The following TENM2 variants were observed in gnomAD, a reference collection of about 807,000 sequenced individuals.
TENM2 encodes teneurin transmembrane protein 2, also known as teneurin-2.
Under a neutral mutation model 245.2 loss-of-function variants are expected in TENM2, and 52 were observed. The ratio of observed to expected loss-of-function variants is 0.21; its 90% CI spans 0.17 to 0.27. The LOEUF is 0.27. TENM2 is among the 10% of genes least tolerant of loss of function. The probability of loss-of-function intolerance (pLI) is 1.00; values close to 1 mark genes in which losing one functional copy is unlikely to be tolerated. For missense variants in TENM2, 3,046 were observed against 3,666.8 expected (o/e 0.83, Z 4.37); for synonymous variants, 1,363 against 1,438.9 (o/e 0.95, Z 1.19).
At chr5:167,185,542 T>C in the TENM2 span, among the ~76,000 whole-genome samples, 3 of 152,140 alleles carry the variant, frequency 2.0e-5, no homozygotes, top group Non-Finnish European at 1.5e-5. Flanking sequence ...TATTTGAGAA[T>C]ATAACATATT....
At chr5:167,508,946 G>C (rs1734743621) in intron 2 of TENM2, among the ~76,000 whole-genome samples, 1 of 152,104 alleles carries the variant, frequency 6.6e-6, no homozygotes, top group Non-Finnish European at 1.5e-5. Context: ...AGCCTCCCAA[G>C]TAGCTGGGAT....
At chr5:167,545,591 A>G (rs958024004) in intron 2 of TENM2, among the ~76,000 whole-genome samples, 3 of 152,204 alleles carry the variant, frequency 2.0e-5, no homozygotes, top group Admixed American at 6.5e-5. Flanking sequence ...ATAGTGCATT[A>G]TACATCAAAT....
At chr5:167,121,130 GTGTTTT>G in the TENM2 span, among the ~76,000 whole-genome samples, 1 of 152,064 alleles carries the variant, frequency 6.6e-6, no homozygotes, top group Non-Finnish European at 1.5e-5. Flanking sequence ...CTTTGTGTGT[GTGTTTT>G]TGTTTTTAGT....
chr5:168,142,048 A>G (rs1235869197), intron 12 of TENM2, among the ~76,000 whole-genome samples: 1 of 152,238 alleles, frequency 6.6e-6, no homozygotes, highest in East Asian at 1.9e-4. Flanking sequence ...TAAAACCGAA[A>G]GAGTTCAGGT....
At chr5:167,036,132 G>A in the TENM2 span, among the ~76,000 whole-genome samples, 1 of 152,194 alleles carries the variant, frequency 6.6e-6, no homozygotes, top group African/African-American at 2.4e-5. Flanking sequence ...TTTTGGGTAT[G>A]ATCATTCAGA....
At chr5:167,438,239 C>G (rs577517403) in intron 2 of TENM2, among the ~76,000 whole-genome samples, 47 of 152,320 alleles carry the variant, frequency 3.1e-4, no homozygotes, top group African/African-American at 1.0e-3. Context: ...AAGTGTTCCT[C>G]TGATGTGCCT....
chr5:168,225,761 CA>C (rs567948197), intron 23 of TENM2, among the ~76,000 whole-genome samples: 4,335 of 57,080 alleles, frequency 0.076, 140 homozygotes, highest in African/African-American at 0.2. Context: ...TCCATCATCT[CA>C]AAAAAAAAAA....
intron 7 of TENM2, among the ~76,000 whole-genome samples, chr5:168,077,472 C>G (rs1791581580): frequency 6.6e-6 from 1 of 151,648 alleles, no homozygotes; most frequent in African/African-American, 2.4e-5. Context: ...TACATGTGCA[C>G]AAAGTGCAGG....
chr5:168,149,432 T>G (rs1199686313), intron 12 of TENM2: 1 of 457,116 alleles, frequency 2.2e-6, no homozygotes, highest in Non-Finnish European at 4.4e-6. Context: ...GGGTAGTTGG[T>G]GGGGAGTGCT....
intron 1 of TENM2, among the ~76,000 whole-genome samples, chr5:167,297,922 A>C (rs1755050210): frequency 1.3e-5 from 2 of 152,168 alleles, no homozygotes; most frequent in African/African-American, 4.8e-5. Flanking sequence ...AGGCAGGAAC[A>C]GGCCATTTTC....
chr5:167,129,757 G>A, the TENM2 span, among the ~76,000 whole-genome samples: 1 of 152,172 alleles, frequency 6.6e-6, no homozygotes, highest in Non-Finnish European at 1.5e-5. Flanking sequence ...AATGCTTAAT[G>A]GACTCTGGCT....
chr5:167,595,243 G>C (rs1776123700), intron 2 of TENM2, among the ~76,000 whole-genome samples: 1 of 152,134 alleles, frequency 6.6e-6, no homozygotes, highest in Admixed American at 6.5e-5. Flanking sequence ...CAGTAAAATG[G>C]AATCAAAAGA....
chr5:167,931,549 TGGAA>T (rs1389204888), intron 3 of TENM2, among the ~76,000 whole-genome samples: 3 of 90,888 alleles, frequency 3.3e-5, no homozygotes, highest in African/African-American at 1.1e-4. Context: ...ATAAACCCAT[TGGAA>T]AAAAAAAAAA....
chr5:167,325,597 A>C (rs1757030986), intron 1 of TENM2, among the ~76,000 whole-genome samples: 1 of 152,250 alleles, frequency 6.6e-6, no homozygotes, highest in Admixed American at 6.5e-5. Context: ...CAAGACTTCC[A>C]GGTTAGAATT....
At chr5:167,361,830 G>A (rs1759737852) in intron 1 of TENM2, among the ~76,000 whole-genome samples, 1 of 152,070 alleles carries the variant, frequency 6.6e-6, no homozygotes, top group South Asian at 2.1e-4. Flanking sequence ...AAGGTCCTTT[G>A]GTTTATAGCT....
At chr5:167,255,615 T>C in the TENM2 span, among the ~76,000 whole-genome samples, 1 of 152,182 alleles carries the variant, frequency 6.6e-6, no homozygotes, top group African/African-American at 2.4e-5. Context: ...AAAACGTAGA[T>C]TTCGATTTTT....
At chr5:167,421,414 C>G (rs1025380326) in intron 2 of TENM2, among the ~76,000 whole-genome samples, 1 of 152,154 alleles carries the variant, frequency 6.6e-6, no homozygotes. Context: ...TATTAGAGCT[C>G]CATTTAACTA....
intron 2 of TENM2, among the ~76,000 whole-genome samples, chr5:167,680,818 G>GT (rs893833946): frequency 1.5e-4 from 23 of 152,288 alleles, no homozygotes; most frequent in Admixed American, 1.2e-3. Flanking sequence ...GTGTAACTGA[G>GT]TTTTTTATAG....
At chr5:167,195,202 T>G in the TENM2 span, among the ~76,000 whole-genome samples, 1 of 152,062 alleles carries the variant, frequency 6.6e-6, no homozygotes, top group African/African-American at 2.4e-5. Flanking sequence ...AGCTGTGTAC[T>G]TCTGCTAACA....
Sources: allele counts gnomAD v4.1 joint callset (sites outside exome capture counted in the v4.1 genomes callset), GRCh38; gene constraint gnomAD v4.1.1; transcripts MANE v1.5; gene names NCBI Gene and HGNC (gene_info 2026-07-23, HGNC 2026-07-21).